RNF216: variants seen among roughly 807,000 people sequenced by gnomAD.
The protein encoded by RNF216 is E3 ubiquitin-protein ligase RNF216.
RNF216 carries 72 observed loss-of-function variants against 110.8 expected under a neutral mutation model. That is an observed-to-expected ratio of 0.65 (90% CI 0.54 to 0.79). The LOEUF (loss-of-function observed/expected upper bound fraction) is 0.79, where lower values mean the gene tolerates loss of function less well. RNF216 is among the 30% of genes least tolerant of loss of function. The pLI, the probability that RNF216 is intolerant of heterozygous loss-of-function variation, is 0.00. For synonymous variants in RNF216, 495 were observed against 407.5 expected (o/e 1.21, Z -2.59); for missense variants, 1,342 against 1,141.2 (o/e 1.18, Z -2.54).
intron 13 of RNF216, among the ~76,000 whole-genome samples, chr7:5,658,654 C>CACAAA (rs1788899826): frequency 1.3e-5 from 1 of 74,882 alleles, no homozygotes; most frequent in South Asian, 4.5e-4. Context: ...GAGACTGTCT[C>CACAAA]AAAAAAAAAA....
chr7:5,755,633 C>T (rs1173701378), intron 2 of RNF216, among the ~76,000 whole-genome samples: 1 of 152,312 alleles, frequency 6.6e-6, no homozygotes, highest in East Asian at 1.9e-4. Context: ...ATACTGCATG[C>T]TGTTATAATT....
chr7:5,766,392 C>T (rs759983145), intron 1 of RNF216, among the ~76,000 whole-genome samples: 2 of 151,834 alleles, frequency 1.3e-5, no homozygotes, highest in Non-Finnish European at 2.9e-5. Context: ...TATTGAAGCT[C>T]TGACCTCCAA....
At chr7:5,676,256 C>T (rs954466095) in intron 13 of RNF216, among the ~76,000 whole-genome samples, 4 of 152,166 alleles carry the variant, frequency 2.6e-5, no homozygotes, top group African/African-American at 9.7e-5. Context: ...AAGTGATCGG[C>T]CCGCCTTGGC....
intron 15 of RNF216, among the ~76,000 whole-genome samples, chr7:5,632,968 G>A (rs1201208056): frequency 6.6e-6 from 1 of 152,018 alleles, no homozygotes; most frequent in Non-Finnish European, 1.5e-5. Context: ...CCCACCCAGC[G>A]GAACTGGAAG....
rs868780190 is a variant in RNF216 at position 5,640,271 on chromosome 7, T to C, written c.2382+883A>G. Among the ~76,000 whole-genome samples, 25 of 152,292 alleles carry C rather than the reference T, an allele frequency of 1.6e-4. 1 individual carries two copies. Among genetic ancestry groups the C allele is most frequent in the Middle Eastern group, 6.8e-3 (2 of 294 alleles). On this transcript the variant is annotated intron_variant, in intron 15 of 16. Coordinates refer to ENST00000389902, the MANE Select transcript of RNF216 (RefSeq NM_207111.4). ...TTGCCAGTGAGAATTTATTATTTTT[T>C]AGTCTGGCCTTGATGTAATGCAAGA...
At position 5,690,069 on chromosome 7, in the gene RNF216, C is replaced by G. The variant is rs149161834; in HGVS notation, c.2061+21692G>C. ...GCCAGGCGCGGTGGGTGGCTCATGC[C>G]TGTAATCCCAGCACTCTGGGAGGCT... is the stretch of plus-strand genomic sequence containing the variant. On this transcript the variant is annotated intron_variant, in intron 13 of 16. Transcript: ENST00000389902. Among the ~76,000 whole-genome samples, 4 of 152,196 alleles carry G rather than the reference C, an allele frequency of 2.6e-5. No individual in the cohort carries two copies. The East Asian group carries it at 7.7e-4, about 29-fold the overall frequency.
chr7:5,753,054 G>A (rs1365494336), intron 2 of RNF216, 75 bp from the exon 3 acceptor site: 3 of 1,509,844 alleles, frequency 2.0e-6, no homozygotes, highest in African/African-American at 1.4e-5. Context: ...TTTCCTGACA[G>A]GGGTACAGCC....
chr7:5,770,461 CAA>C (rs879338590), intron 1 of RNF216, among the ~76,000 whole-genome samples: 13 of 101,032 alleles, frequency 1.3e-4, no homozygotes, highest in Admixed American at 4.2e-4. Context: ...AACTCCGTCT[CAA>C]AAAAAAAAAA....
chr7:5,745,528 G>A (rs1479566166), intron 3 of RNF216, among the ~76,000 whole-genome samples: 2 of 152,148 alleles, frequency 1.3e-5, no homozygotes, highest in Non-Finnish European at 2.9e-5. Flanking sequence ...TCAGATGCAC[G>A]TTTTCAAGAA....
At position 5,741,964 on chromosome 7, in the gene RNF216, C is replaced by A. The variant is rs530615579; in HGVS notation, c.202-149G>T. On this transcript the variant is annotated intron_variant, in intron 3 of 16. Transcript: ENST00000389902. ...CCTATTCTTTACATTTATCTTAACA[C>A]TGAAATTTGATTACACTATATACTA... The A allele has an allele frequency of 6.3e-6, 5 of 790,000 alleles. No homozygotes were observed. The East Asian group carries it at 8.1e-5, about 13-fold the overall frequency. 48.9% of individuals were successfully genotyped at this position (790,000 alleles called of 1,614,324 possible). A position where few individuals can be genotyped will look rare whatever the true frequency, so the allele number is the denominator to read the frequency against.
intron 5 of RNF216, among the ~76,000 whole-genome samples, chr7:5,731,532 CAT>C (rs1438168587): frequency 2.0e-5 from 3 of 147,158 alleles, no homozygotes; most frequent in African/African-American, 7.8e-5. Context: ...AGACCCAACA[CAT>C]GTTAACTATC....
intron 11 of RNF216, chr7:5,713,433 G>C (rs950885363): frequency 5.2e-5 from 8 of 152,442 alleles, no homozygotes; most frequent in African/African-American, 1.4e-4. Context: ...TGAAGTCAGA[G>C]TCTGAAATGG....
intron 15 of RNF216, among the ~76,000 whole-genome samples, chr7:5,626,580 G>C (rs188212789): frequency 6.6e-6 from 1 of 151,994 alleles, no homozygotes; most frequent in African/African-American, 2.4e-5. Context: ...AGCCAGGCAT[G>C]GTGGTGTGAG....
chr7:5,694,670 C>T (rs1364183951), intron 13 of RNF216, among the ~76,000 whole-genome samples: 1 of 152,156 alleles, frequency 6.6e-6, no homozygotes, highest in Non-Finnish European at 1.5e-5. Flanking sequence ...ACCTGCCTGC[C>T]CTGGAGCAGA....
chr7:5,734,348 A>G (rs1412517613), intron 5 of RNF216, among the ~76,000 whole-genome samples: 3 of 152,194 alleles, frequency 2.0e-5, no homozygotes, highest in African/African-American at 4.8e-5. Context: ...ATCAGACTCA[A>G]AAGACTATAG....
At position 5,624,015 on chromosome 7, in the gene RNF216, G is replaced by A. The variant is rs558323779; in HGVS notation, c.2452+41C>T. 4 of 1,576,162 alleles carry A rather than the reference G, an allele frequency of 2.5e-6. 1 individual carries two copies. The East Asian group carries it at 6.7e-5, about 26-fold the overall frequency. The stretch of plus-strand genomic sequence containing the variant: ...AGGCCAGCAGAAGCCTGCATGGCCT[G>A]GCTGCTGCTCTGTCCTGGGGGCCTG... On this transcript the variant is annotated intron_variant, in intron 16 of 16. Coordinates refer to ENST00000389902, the MANE Select transcript of RNF216 (RefSeq NM_207111.4). This position sits in a 1 kb window ranked among gnomAD's most constrained non-coding sequence, Gnocchi z 4.4.
intron 8 of RNF216, among the ~76,000 whole-genome samples, chr7:5,722,459 G>A (rs547498585): frequency 6.7e-6 from 1 of 149,816 alleles, no homozygotes; most frequent in Non-Finnish European, 1.5e-5. Context: ...GTGCGATCTC[G>A]GCTCACTGTC....
At chr7:5,734,550 A>G (rs1296847808) in intron 5 of RNF216, among the ~76,000 whole-genome samples, 5 of 151,594 alleles carry the variant, frequency 3.3e-5, no homozygotes, top group Admixed American at 6.6e-5. Flanking sequence ...ACAATAAAGA[A>G]TATGTGGAAA....
chr7:5,670,488 G>A (rs931306356), intron 13 of RNF216, among the ~76,000 whole-genome samples: 2 of 152,010 alleles, frequency 1.3e-5, no homozygotes, highest in African/African-American at 4.8e-5. Context: ...GCTTATTCTT[G>A]GATTTAAATT....
Sources: allele counts gnomAD v4.1 joint callset (sites outside exome capture counted in the v4.1 genomes callset), GRCh38; gene constraint gnomAD v4.1.1; non-coding constraint Gnocchi (gnomAD v3.1); transcripts MANE v1.5; gene names NCBI Gene and HGNC (gene_info 2026-07-23, HGNC 2026-07-21).